UBE2K: variants seen among roughly 807,000 people sequenced by gnomAD.
UBE2K encodes ubiquitin conjugating enzyme E2 K.
Under a neutral mutation model 30.0 loss-of-function variants are expected in UBE2K, and 6 were observed. The observed-to-expected ratio is 0.20, with a 90% confidence interval of 0.11 to 0.39. The LOEUF (loss-of-function observed/expected upper bound fraction) is 0.39, where lower values mean the gene tolerates loss of function less well. Among genes scored for constraint, UBE2K ranks in the 10% least tolerant of loss-of-function variants. The probability of loss-of-function intolerance (pLI) is 1.00; values close to 1 mark genes in which losing one functional copy is unlikely to be tolerated. For synonymous variants in UBE2K, 86 were observed against 83.7 expected (o/e 1.03, Z -0.15); for missense variants, 61 against 241.6 (o/e 0.25, Z 4.96).
Position 39,746,983 on chromosome 4 carries a change from A to G in UBE2K, c.216+1173A>G, listed in dbSNP as rs999933921. 3.3e-5 allele frequency among the ~76,000 whole-genome samples: 5 copies of G among 152,040 alleles called. No homozygotes were observed. In the East Asian group the frequency reaches 5.8e-4, roughly 18 times the overall value. On this transcript the variant is annotated intron_variant, in intron 3 of 6. Coordinates refer to ENST00000261427, the MANE Select transcript of UBE2K (RefSeq NM_005339.5). ...ACCTATATATTATCAGTAATTCCCA[A>G]TAGTATAGTGTCCCTTGGGCATATG... is the stretch of plus-strand genomic sequence containing the variant.
chr4:39,715,339 A>T (rs992441662), intron 1 of UBE2K, among the ~76,000 whole-genome samples: 13 of 149,560 alleles, frequency 8.7e-5, no homozygotes, highest in East Asian at 2.0e-4. Flanking sequence ...GCTAATTTTT[A>T]AAAAAAATTT....
intron 1 of UBE2K, among the ~76,000 whole-genome samples, chr4:39,728,795 C>T (rs1000844526): frequency 2.0e-5 from 3 of 150,312 alleles, no homozygotes; most frequent in Admixed American, 6.6e-5. Flanking sequence ...CCCGCCACCA[C>T]GCCCGGCTAG....
Position 39,778,956 on chromosome 4 carries a change from A to G in UBE2K, c.*522A>G, listed in dbSNP as rs1308912689. Reference sequence around the variant, plus strand: ...AAGCATTTGAGAATTCTTAAATATGAAATTTATTCAGAATTGAAGATGGTG... The same window carrying G: ...AAGCATTTGAGAATTCTTAAATATGGAATTTATTCAGAATTGAAGATGGTG... On this transcript the variant is annotated 3_prime_UTR_variant, in exon 7 of 7. Transcript: ENST00000261427. 1 of 152,830 alleles carries G rather than the reference A, an allele frequency of 6.5e-6. No individual in the cohort carries two copies. Among genetic ancestry groups the G allele is most frequent in the Non-Finnish European group, 1.5e-5 (1 of 68,528 alleles). The allele number at this position is 152,830 out of a possible 1,614,324, so 9.5% of individuals were successfully genotyped here. A position where few individuals can be genotyped will look rare whatever the true frequency, so the allele number is the denominator to read the frequency against.
At chr4:39,750,829 T>C (rs1185926516) in intron 3 of UBE2K, among the ~76,000 whole-genome samples, 2 of 151,696 alleles carry the variant, frequency 1.3e-5, no homozygotes, top group Non-Finnish European at 2.9e-5. Context: ...CACTGCAACC[T>C]CTGCCTCCTG....
intron 1 of UBE2K, among the ~76,000 whole-genome samples, chr4:39,703,519 AAAAAG>A (rs920853997): frequency 1.3e-5 from 2 of 151,980 alleles, no homozygotes; most frequent in Non-Finnish European, 2.9e-5. Flanking sequence ...TCATAAATGA[AAAAAG>A]AAAATGATTC....
chr4:39,767,391 T>C (rs1712417730), intron 4 of UBE2K, among the ~76,000 whole-genome samples: 1 of 151,784 alleles, frequency 6.6e-6, no homozygotes, highest in African/African-American at 2.4e-5. Flanking sequence ...TGCAGTGATC[T>C]TGACTCATTT....
At position 39,781,322 on chromosome 4, in the gene UBE2K, ATTTT is replaced by A; in HGVS notation, c.*2895_*2898del. 1 of 150,724 alleles carries A rather than the reference ATTTT, an allele frequency of 6.6e-6. No homozygotes were observed. The highest frequency in any genetic ancestry group is 2.4e-5 in the African/African-American group (1 of 41,206). The allele number at this position is 150,724 out of a possible 1,614,324, so 9.3% of individuals were successfully genotyped here. On this transcript the variant is annotated 3_prime_UTR_variant, in exon 7 of 7. Transcript: ENST00000261427. ...AATAATCTATGAAATGGAAGACTTGATTTTTTTTTTCATTTTTTAGAAGTAATAC... is the reference window on the plus strand; with the variant it reads ...AATAATCTATGAAATGGAAGACTTGATTTTTTCATTTTTTAGAAGTAATAC...
chr4:39,735,214 T>C (rs937827067), intron 1 of UBE2K, among the ~76,000 whole-genome samples: 6 of 152,218 alleles, frequency 3.9e-5, no homozygotes, highest in Non-Finnish European at 8.8e-5. Context: ...TATTTTTATT[T>C]ATTTATTTAT....
chr4:39,720,420 A>T (rs1440384554), intron 1 of UBE2K, among the ~76,000 whole-genome samples: 1 of 151,842 alleles, frequency 6.6e-6, no homozygotes, highest in Admixed American at 6.6e-5. Context: ...GTGTAACTTT[A>T]CATTTTTTAT....
At chr4:39,741,555 T>C (rs1051991950) in intron 2 of UBE2K, among the ~76,000 whole-genome samples, 6 of 152,232 alleles carry the variant, frequency 3.9e-5, no homozygotes, top group Admixed American at 2.6e-4. Flanking sequence ...AGCAAAAGTT[T>C]ACATGTGGAA....
chr4:39,770,037 C>T, intron 4 of UBE2K: 1 of 1,481,714 alleles, frequency 6.7e-7, no homozygotes, highest in Non-Finnish European at 9.0e-7. Flanking sequence ...CCTTTCCCCA[C>T]CTAGCCCAGG....
chr4:39,767,956 T>C (rs1712457231), intron 4 of UBE2K, among the ~76,000 whole-genome samples: 2 of 152,168 alleles, frequency 1.3e-5, no homozygotes, highest in African/African-American at 4.8e-5. Context: ...ATAGTGCACT[T>C]AAGTGTTGTA....
chr4:39,770,315 A>G (rs1435667772), intron 4 of UBE2K: 1 of 1,612,886 alleles, frequency 6.2e-7, no homozygotes, highest in African/African-American at 1.3e-5. Flanking sequence ...ACTTGACACC[A>G]CGATGCACGT....
rs756829987 is a variant in UBE2K at position 39,774,946 on chromosome 4, C to T, written c.399+13C>T. ...AGTAGCAAATCAGGTAAGATGGCCG[C>T]TTTTGAAAGACTTTCTTATATTATG... On this transcript the variant is annotated intron_variant, in intron 5 of 6. Coordinates refer to ENST00000261427, the MANE Select transcript of UBE2K (RefSeq NM_005339.5). 33 of 1,573,960 alleles carry T rather than the reference C, an allele frequency of 2.1e-5. No homozygotes were observed. Among genetic ancestry groups the T allele is most frequent in the Non-Finnish European group, 2.9e-5 (33 of 1,153,332 alleles).
At chr4:39,745,908 C>G in intron 3 of UBE2K, 98 bp downstream of exon 3, 1 of 898,278 alleles carries the variant, frequency 1.1e-6, no homozygotes. Context: ...AAAGTCACAG[C>G]TTTATGAATT....
chr4:39,763,565 A>C (rs919410737), intron 4 of UBE2K, among the ~76,000 whole-genome samples: 11 of 152,030 alleles, frequency 7.2e-5, no homozygotes, highest in Non-Finnish European at 1.0e-4. Context: ...ACTTAAAACA[A>C]CCAGCTCTCA....
At chr4:39,739,342 T>C (rs1005855001) in intron 2 of UBE2K, among the ~76,000 whole-genome samples, 9 of 151,960 alleles carry the variant, frequency 5.9e-5, no homozygotes, top group African/African-American at 1.9e-4. Context: ...CCCAAAACAC[T>C]TTTTAAAAAT....
rs1227834116 is a variant in UBE2K at position 39,757,018 on chromosome 4, GT to G, written c.299+1285del. Among the ~76,000 whole-genome samples the G allele has an allele frequency of 2.1e-4, 15 of 72,120 alleles. 1 individual carries two copies. Among genetic ancestry groups the G allele is most frequent in the South Asian group, 5.1e-4 (1 of 1,976 alleles). 47.3% of individuals were successfully genotyped at this position (72,120 alleles called of 152,430 possible). A position where few individuals can be genotyped will look rare whatever the true frequency, so the allele number is the denominator to read the frequency against. ...TTTGGGTGTTTTTTTTTTGTTTTTT[GT>G]TTTTTGTTTTTTGTTTTTTTTTTGA... On this transcript the variant is annotated intron_variant, in intron 4 of 6. Coordinates refer to ENST00000261427, the MANE Select transcript of UBE2K (RefSeq NM_005339.5).
chr4:39,744,577 C>T (rs762533816), intron 2 of UBE2K, among the ~76,000 whole-genome samples: 1 of 151,928 alleles, frequency 6.6e-6, no homozygotes, highest in African/African-American at 2.4e-5. Flanking sequence ...TAGAAAAGCT[C>T]CTTGGTAAAA....
Sources: allele counts gnomAD v4.1 joint callset (sites outside exome capture counted in the v4.1 genomes callset), GRCh38; gene constraint gnomAD v4.1.1; transcripts MANE v1.5; gene names NCBI Gene and HGNC (gene_info 2026-07-23, HGNC 2026-07-21).